GATA4: variants seen among roughly 807,000 people sequenced by gnomAD.
GATA4 encodes GATA binding protein 4.
GATA4 carries 7 observed loss-of-function variants against 37.9 expected under a neutral mutation model. The observed-to-expected ratio is 0.18, with a 90% confidence interval of 0.11 to 0.35. The LOEUF is 0.35. GATA4 is among the 10% of genes least tolerant of loss of function. The pLI is 1.00. For synonymous variants in GATA4, 372 were observed against 292.6 expected, an observed-to-expected ratio of 1.27 and a Z score of -2.77; for missense variants, 647 against 653.0, an observed-to-expected ratio of 0.99 and a Z score of 0.10.
chr8:11,758,286 T>C lies in GATA4; in HGVS notation c.1150-7T>C, dbSNP rs776340600. Reference sequence around the variant, plus strand: ...ATGGGCCTCATCGTGTGCTTTCTGCTTTTCAGACGTTCTCAGTCAGTGCGA... The same window carrying C: ...ATGGGCCTCATCGTGTGCTTTCTGCCTTTCAGACGTTCTCAGTCAGTGCGA... On this transcript the variant is annotated splice_region_variant and splice_polypyrimidine_tract_variant and intron_variant, in intron 6 of 6. Coordinates refer to ENST00000532059, the MANE Select transcript of GATA4 (RefSeq NM_001308093.3). 13 of 1,613,944 alleles carry C rather than the reference T, an allele frequency of 8.1e-6. No individual in the cohort carries two copies. In the Admixed American group the frequency reaches 2.2e-4, roughly 27 times the overall value.
chr8:11,724,797 C>T (rs1485754303), intron 2 of GATA4, among the ~76,000 whole-genome samples: 1 of 152,232 alleles, frequency 6.6e-6, no homozygotes, highest in South Asian at 2.1e-4. Flanking sequence ...GATCAGAGGC[C>T]TAACCCAGCC....
intron 2 of GATA4, among the ~76,000 whole-genome samples, chr8:11,718,272 T>C (rs2079844793): frequency 6.6e-6 from 1 of 152,258 alleles, no homozygotes; most frequent in South Asian, 2.1e-4. Flanking sequence ...TGCTTTTATC[T>C]ATTACTGCTC....
chr8:11,751,194 G>T (rs1050787533), intron 4 of GATA4, among the ~76,000 whole-genome samples: 1 of 152,028 alleles, frequency 6.6e-6, no homozygotes, highest in Non-Finnish European at 1.5e-5. Flanking sequence ...TCAGAAAAAG[G>T]GTTAATATTT....
rs1554488902 is a variant in GATA4, at chr8:11,709,578, G to GGGGGGGA, written c.616+656_616+657insAGGGGGG. On this transcript the variant is annotated intron_variant, in intron 2 of 6. Transcript: ENST00000532059. This position sits in a 1 kb window ranked among gnomAD's most constrained non-coding sequence, Gnocchi z 4.3. ...CGTGGGCGCATCATGCGGGCAGCGG[G>GGGGGGGA]GGGGGGGGCGCACACGCCCGGTCAG... Among the ~76,000 whole-genome samples the GGGGGGGA allele has an allele frequency of 8.7e-6, 1 of 115,392 alleles. No homozygotes were observed. The highest frequency in any genetic ancestry group is 5.3e-5 in the African/African-American group (1 of 19,032). 75.7% of individuals were successfully genotyped at this position (115,392 alleles called of 152,430 possible). A position where few individuals can be genotyped will look rare whatever the true frequency, so the allele number is the denominator to read the frequency against.
upstream of GATA4, chr8:11,692,184 G>A (rs937439375): frequency 9.2e-6 from 3 of 327,178 alleles, no homozygotes; most frequent in Admixed American, 1.3e-4. Context: ...CTTCCCCAAA[G>A]GCAAGAGAAG....
chr8:11,695,059 C>G (rs1338232700), intron 1 of GATA4, among the ~76,000 whole-genome samples: 1 of 152,210 alleles, frequency 6.6e-6, no homozygotes, highest in African/African-American at 2.4e-5. Flanking sequence ...GGTAGCCCAT[C>G]CATGTGAACA....
intron 1 of GATA4, among the ~76,000 whole-genome samples, chr8:11,683,767 G>GC (rs1799052969): frequency 6.6e-6 from 1 of 152,196 alleles, no homozygotes; most frequent in Non-Finnish European, 1.5e-5. Context: ...CGTTGGAAGG[G>GC]CCCCAGAGGT....
chr8:11,680,975 C>G (rs1205402070), intron 1 of GATA4: 2 of 976,648 alleles, frequency 2.0e-6, no homozygotes, highest in Admixed American at 6.2e-5. Flanking sequence ...GCTGGTATCT[C>G]AATATCCCCC....
chr8:11,746,460 A>C (rs1802035626), intron 2 of GATA4, among the ~76,000 whole-genome samples: 1 of 152,174 alleles, frequency 6.6e-6, no homozygotes, highest in African/African-American at 2.4e-5. Context: ...TCTATGTCCA[A>C]GTGCGATTCA....
intron 2 of GATA4, among the ~76,000 whole-genome samples, chr8:11,743,120 G>C (rs1325371291): frequency 6.6e-6 from 1 of 152,244 alleles, no homozygotes; most frequent in Non-Finnish European, 1.5e-5. Context: ...GGATGCTGAA[G>C]ATCTGAAGCT....
intron 5 of GATA4, among the ~76,000 whole-genome samples, chr8:11,756,243 T>C (rs1479269821): frequency 6.6e-6 from 1 of 152,140 alleles, no homozygotes; most frequent in Non-Finnish European, 1.5e-5. Context: ...AAGAACATGA[T>C]CAAAGTTCTG....
rs190279371 is a variant in GATA4, at chr8:11,683,518, A to T, written c.-274+6455A>T. 7.4e-3 allele frequency among the ~76,000 whole-genome samples: 1,125 copies of T among 152,060 alleles called. 11 individuals are homozygous for T. The highest frequency in any genetic ancestry group is 0.025 in the African/African-American group (1,036 of 41,462). On this transcript the variant is annotated intron_variant, in intron 1 of 6. Coordinates refer to the GATA4 transcript ENST00000528712. ...GGGGCGCGGTTCGATTCCAACTTTCACCGTATTCCTTGAGACTAGGTAGAC... is the reference window on the plus strand; with the variant it reads ...GGGGCGCGGTTCGATTCCAACTTTCTCCGTATTCCTTGAGACTAGGTAGAC...
rs768982638 is a variant in GATA4 at position 11,708,402 on chromosome 8, G to A, written c.90G>A (p.Ala30=). The A allele has an allele frequency of 3.4e-5, 53 of 1,541,498 alleles. No homozygotes were observed. The highest frequency in any genetic ancestry group is 3.9e-5 in the Admixed American group (2 of 51,784). The change falls in exon 2 of 7, where the codon GCG becomes GCA. Residue 30 remains alanine, a synonymous_variant. Transcript: ENST00000532059. The surrounding 1 kb of genome is among the most constrained non-coding windows in gnomAD (Gnocchi z 6.7). ...GCCCCGGCGCCTTCATGCACGGCGC[G>A]GGCGCCGCGTCCTCGCCAGTCTACG... is the stretch of plus-strand genomic sequence containing the variant. The part of the protein sequence containing the change: ...AGGPGAFMHG[A]GAASSPVYVP...
chr8:11,758,343 CCTCTCGGCCCTGAAG>C lies in GATA4; in HGVS notation c.1206_1220del (p.Ala403_Ser407del). The C allele has an allele frequency of 1.2e-6, 2 of 1,614,220 alleles. No homozygotes were observed. The highest frequency in any genetic ancestry group is 1.7e-6 in the Non-Finnish European group (2 of 1,180,034). On this transcript the variant is annotated inframe_deletion, in exon 7 of 7. Transcript: ENST00000532059. Reference sequence around the variant, plus strand: ...GCCATGGGCCCTCCATCCACCCTGTCCTCTCGGCCCTGAAGCTCTCCCCACAAGGCTATGCGTCTC... The same window carrying C: ...GCCATGGGCCCTCCATCCACCCTGTCCTCTCCCCACAAGGCTATGCGTCTC...
At chr8:11,751,738 A>G (rs1380889112) in intron 4 of GATA4, among the ~76,000 whole-genome samples, 1 of 152,206 alleles carries the variant, frequency 6.6e-6, no homozygotes, top group Non-Finnish European at 1.5e-5. Context: ...AAAATCAGAG[A>G]AATGTACCTG....
At chr8:11,731,856 A>G (rs566409680) in intron 2 of GATA4, among the ~76,000 whole-genome samples, 1 of 152,348 alleles carries the variant, frequency 6.6e-6, no homozygotes, top group Admixed American at 6.5e-5. Context: ...TTCTTTGGCC[A>G]AAGGTGTAAG....
chr8:11,704,602 C>T (rs1251144582), intron 1 of GATA4, among the ~76,000 whole-genome samples: 3 of 152,228 alleles, frequency 2.0e-5, no homozygotes, highest in Non-Finnish European at 4.4e-5. Flanking sequence ...TTCTCCAACC[C>T]TTGTTTGCAT....
chr8:11,733,887 A>G (rs1801327247), intron 2 of GATA4, among the ~76,000 whole-genome samples: 1 of 152,212 alleles, frequency 6.6e-6, no homozygotes, highest in African/African-American at 2.4e-5. Context: ...TCACTATGCA[A>G]CTTCCACACA....
At chr8:11,757,467 T>G (rs919643711) in intron 6 of GATA4, among the ~76,000 whole-genome samples, 2 of 152,162 alleles carry the variant, frequency 1.3e-5, no homozygotes, top group Non-Finnish European at 2.9e-5. Context: ...GACTGCGTGC[T>G]GGGGCGAGGG....
Sources: allele counts gnomAD v4.1 joint callset (sites outside exome capture counted in the v4.1 genomes callset), GRCh38; gene constraint gnomAD v4.1.1; non-coding constraint Gnocchi (gnomAD v3.1); transcripts MANE v1.5; gene names NCBI Gene and HGNC (gene_info 2026-07-23, HGNC 2026-07-21).